MGMT: variants seen among roughly 807,000 people sequenced by gnomAD.
MGMT encodes the protein O-6-methylguanine-DNA methyltransferase.
MGMT carries 14 observed loss-of-function variants against 15.9 expected under a neutral mutation model. That is an observed-to-expected ratio of 0.88 (90% CI 0.58 to 1.37). The LOEUF (loss-of-function observed/expected upper bound fraction) is 1.37. Among genes scored for constraint, MGMT ranks in the 40% most tolerant of loss-of-function variants. MGMT has a pLI of 0.00. For missense variants in MGMT, 282 were observed against 268.1 expected, an observed-to-expected ratio of 1.05 and a Z score of -0.36; for synonymous variants, 130 against 118.2, an observed-to-expected ratio of 1.10 and a Z score of -0.65.
At chr10:129,727,640 C>T (rs1848448511) in intron 3 of MGMT, among the ~76,000 whole-genome samples, 1 of 152,182 alleles carries the variant, frequency 6.6e-6, no homozygotes, top group African/African-American at 2.4e-5. Context: ...AAAGTACAGA[C>T]TGTGAAGACC....
At chr10:129,512,057 A>G (rs1176901066) in intron 1 of MGMT, among the ~76,000 whole-genome samples, 1 of 152,132 alleles carries the variant, frequency 6.6e-6, no homozygotes, top group Admixed American at 6.5e-5. Flanking sequence ...AGTGAATTCA[A>G]TTTGCTAAGT....
At chr10:129,501,087 C>T (rs750426537) in intron 1 of MGMT, among the ~76,000 whole-genome samples, 13 of 152,230 alleles carry the variant, frequency 8.5e-5, no homozygotes, top group Non-Finnish European at 1.8e-4. Context: ...TCTGGCAACT[C>T]TTGCATCAAA....
chr10:129,638,429 C>CAAAAAAAAAAAAAAAAAAAAAAAAA lies in MGMT; in HGVS notation c.126-69450_126-69449insAAAAAAAAAAAAAAAAAAAAAAAAA. 8.4e-4 allele frequency among the ~76,000 whole-genome samples: 52 copies of CAAAAAAAAAAAAAAAAAAAAAAAAA among 61,766 alleles called. 6 individuals carry two copies. The highest frequency in any genetic ancestry group is 1.2e-3 in the Non-Finnish European group (37 of 30,730). The allele number at this position is 61,766 out of a possible 152,430, so 40.5% of individuals were successfully genotyped here. A position where few individuals can be genotyped will look rare whatever the true frequency, so the allele number is the denominator to read the frequency against. On this transcript the variant is annotated intron_variant, in intron 2 of 4. Transcript: ENST00000651593. Reference sequence around the variant, plus strand: ...GAAGTCCAAGAGAGGACCAAAGAGGCAAAAAAAAAAAAAAAAGAAAAAAAA... The same window carrying CAAAAAAAAAAAAAAAAAAAAAAAAA: ...GAAGTCCAAGAGAGGACCAAAGAGGCAAAAAAAAAAAAAAAAAAAAAAAAAAAAAAAAAAAAAAAAAGAAAAAAAA...
chr10:129,523,325 C>T (rs548976805), intron 1 of MGMT, among the ~76,000 whole-genome samples: 9 of 152,208 alleles, frequency 5.9e-5, no homozygotes, highest in Non-Finnish European at 1.2e-4. Flanking sequence ...GGCATTATCG[C>T]GGATGTTAGC....
intron 2 of MGMT, among the ~76,000 whole-genome samples, chr10:129,639,229 G>C (rs1246753951): frequency 6.6e-6 from 1 of 152,178 alleles, no homozygotes; most frequent in South Asian, 2.1e-4. Flanking sequence ...ATCTGAAATG[G>C]CTATATTAGC....
chr10:129,552,577 A>G (rs1846169519), intron 2 of MGMT, among the ~76,000 whole-genome samples: 1 of 152,190 alleles, frequency 6.6e-6, no homozygotes, highest in Admixed American at 6.5e-5. Context: ...TACCGGTGTC[A>G]GTTCATCGCT....
chr10:129,481,241 G>T (rs1237144275), intron 1 of MGMT, among the ~76,000 whole-genome samples: 2 of 152,328 alleles, frequency 1.3e-5, no homozygotes, highest in Non-Finnish European at 2.9e-5. Flanking sequence ...ACTCTTTTCT[G>T]CAGTGAATAT....
chr10:129,722,990 A>AG lies in MGMT; in HGVS notation c.274+14949dup, dbSNP rs536825650. 5.2e-4 allele frequency among the ~76,000 whole-genome samples: 70 copies of AG among 134,364 alleles called. No individual in the cohort carries two copies. The South Asian group carries it at 0.018, about 34-fold the overall frequency. 88.1% of individuals were successfully genotyped at this position (134,364 alleles called of 152,430 possible). A position where few individuals can be genotyped will look rare whatever the true frequency, so the allele number is the denominator to read the frequency against. On this transcript the variant is annotated intron_variant, in intron 3 of 4. Coordinates refer to ENST00000651593, the MANE Select transcript of MGMT (RefSeq NM_002412.5). ...CACTGCATTCCAGTTTGGGTGACAG[A>AG]GGAAGACTCTATCACAAAAAAAAAA...
chr10:129,660,604 C>G (rs1847584778), intron 2 of MGMT, among the ~76,000 whole-genome samples: 1 of 152,118 alleles, frequency 6.6e-6, no homozygotes, highest in Non-Finnish European at 1.5e-5. Context: ...GACATGGAGC[C>G]CTCCACCATT....
At chr10:129,542,106 C>T (rs952246807) in intron 2 of MGMT, among the ~76,000 whole-genome samples, 3 of 152,302 alleles carry the variant, frequency 2.0e-5, no homozygotes, top group South Asian at 2.1e-4. Flanking sequence ...GCCCTCGAAA[C>T]GTGCCCCATG....
At chr10:129,652,189 T>C (rs1171200771) in intron 2 of MGMT, among the ~76,000 whole-genome samples, 2 of 152,170 alleles carry the variant, frequency 1.3e-5, no homozygotes, top group African/African-American at 4.8e-5. Context: ...TGGCTTGCCC[T>C]GTGCTTCCCC....
At chr10:129,600,955 CAAATT>C (rs1189123990) in intron 2 of MGMT, among the ~76,000 whole-genome samples, 1 of 151,858 alleles carries the variant, frequency 6.6e-6, no homozygotes, top group Admixed American at 6.6e-5. Flanking sequence ...GTATTAATGA[CAAATT>C]AATATTAATA....
chr10:129,709,609 C>T (rs757908393), intron 3 of MGMT, among the ~76,000 whole-genome samples: 2 of 152,124 alleles, frequency 1.3e-5, no homozygotes, highest in Non-Finnish European at 2.9e-5. Flanking sequence ...AGTTCTCTTA[C>T]AAAACCAGGG....
intron 2 of MGMT, among the ~76,000 whole-genome samples, chr10:129,639,743 C>G (rs1291087727): frequency 6.6e-6 from 1 of 151,900 alleles, no homozygotes; most frequent in African/African-American, 2.4e-5. Flanking sequence ...GGTCTCAAAA[C>G]AATGATCTAA....
chr10:129,673,359 C>G (rs933042923), intron 2 of MGMT, among the ~76,000 whole-genome samples: 2 of 152,244 alleles, frequency 1.3e-5, no homozygotes, highest in Non-Finnish European at 2.9e-5. Flanking sequence ...CTGCCCACCT[C>G]CCCATCTTCC....
chr10:129,584,601 C>T (rs1846597680), intron 2 of MGMT, among the ~76,000 whole-genome samples: 1 of 152,020 alleles, frequency 6.6e-6, no homozygotes, highest in Admixed American at 6.5e-5. Context: ...TTCCCCACTG[C>T]CCCTGCCAAA....
chr10:129,513,654 G>A (rs1412637366), intron 1 of MGMT, among the ~76,000 whole-genome samples: 4 of 152,152 alleles, frequency 2.6e-5, no homozygotes, highest in Admixed American at 6.5e-5. Flanking sequence ...TCCTGGCCTT[G>A]GTGTTCAGCA....
intron 1 of MGMT, among the ~76,000 whole-genome samples, chr10:129,502,980 C>A (rs894359988): frequency 3.9e-5 from 6 of 151,972 alleles, no homozygotes; most frequent in Non-Finnish European, 8.8e-5. Context: ...ACTGAGTTGA[C>A]GAATATGAAT....
At chr10:129,709,648 G>A (rs1361666005) in intron 3 of MGMT, among the ~76,000 whole-genome samples, 1 of 152,084 alleles carries the variant, frequency 6.6e-6, no homozygotes, top group African/African-American at 2.4e-5. Context: ...TCATATGGAG[G>A]CTGGGAGAAT....
Sources: gnomAD v4.1 joint callset for allele counts (sites outside exome capture counted in the v4.1 genomes callset) on GRCh38, gnomAD v4.1.1 for gene constraint, MANE v1.5 for transcripts, NCBI Gene and HGNC (gene_info 2026-07-23, HGNC 2026-07-21) for gene names.